The following DIXDC1 variants were observed in gnomAD, a reference collection of about 807,000 sequenced individuals.
DIXDC1 encodes DIX domain containing 1, also known as dixin.
Under a neutral mutation model 103.1 loss-of-function variants are expected in DIXDC1, and 64 were observed. The ratio of observed to expected loss-of-function variants is 0.62; its 90% CI spans 0.51 to 0.76. The LOEUF (loss-of-function observed/expected upper bound fraction) is 0.76. Ranked by LOEUF, DIXDC1 falls within the 30% of genes least tolerant of loss-of-function variation. DIXDC1 has a pLI of 0.00. For missense variants in DIXDC1, 759 were observed against 834.2 expected (o/e 0.91, Z 1.11); for synonymous variants, 266 against 298.5 (o/e 0.89, Z 1.12).
chr11:111,957,919 G>T (rs927210414), intron 1 of DIXDC1, among the ~76,000 whole-genome samples: 1 of 152,264 alleles, frequency 6.6e-6, no homozygotes, highest in Admixed American at 6.5e-5. Flanking sequence ...AGTGGGGCAG[G>T]TGTGGCCGGG....
At chr11:111,941,173 C>T (rs1294636860) in intron 1 of DIXDC1, among the ~76,000 whole-genome samples, 4 of 152,082 alleles carry the variant, frequency 2.6e-5, no homozygotes, top group African/African-American at 7.2e-5. Context: ...CCCAGCTACT[C>T]GGGAGGCTGA....
intron 17 of DIXDC1, among the ~76,000 whole-genome samples, chr11:112,007,765 T>A (rs1426183081): frequency 6.6e-6 from 1 of 152,008 alleles, no homozygotes; most frequent in Non-Finnish European, 1.5e-5. Flanking sequence ...GCTAAGAGAT[T>A]CTGTCACCAC....
intron 5 of DIXDC1, 140 bp downstream of exon 5, chr11:111,975,123 C>T: frequency 6.8e-7 from 1 of 1,465,418 alleles, no homozygotes; most frequent in Non-Finnish European, 9.0e-7. Flanking sequence ...TACCCCTTAG[C>T]AGTGCTTTGT....
chr11:111,962,584 GTAT>G (rs1287530026), intron 1 of DIXDC1, among the ~76,000 whole-genome samples: 1 of 152,164 alleles, frequency 6.6e-6, no homozygotes, highest in Non-Finnish European at 1.5e-5. Context: ...AGCATGGTGG[GTAT>G]TTGGGGAATG....
At chr11:112,001,139 A>G (rs774621607) in intron 17 of DIXDC1, among the ~76,000 whole-genome samples, 149 of 152,248 alleles carry the variant, frequency 9.8e-4, no homozygotes, top group Non-Finnish European at 1.7e-3. Context: ...GCACTGATCC[A>G]TGCTACAACG....
At chr11:111,956,532 C>T (rs1045996305) in intron 1 of DIXDC1, among the ~76,000 whole-genome samples, 2 of 152,080 alleles carry the variant, frequency 1.3e-5, no homozygotes, top group Non-Finnish European at 2.9e-5. Context: ...TCTTGTTGTC[C>T]AGGCTGGAGT....
At chr11:112,003,557 G>C (rs782280941) in intron 17 of DIXDC1, among the ~76,000 whole-genome samples, 1 of 152,144 alleles carries the variant, frequency 6.6e-6, no homozygotes, top group Non-Finnish European at 1.5e-5. Flanking sequence ...CCAGCATGTT[G>C]GGAGGCCAAG....
At chr11:112,014,766 A>G (rs1861535927) in intron 17 of DIXDC1, among the ~76,000 whole-genome samples, 1 of 152,256 alleles carries the variant, frequency 6.6e-6, no homozygotes, top group South Asian at 2.1e-4. Flanking sequence ...AATAAATTAA[A>G]TATATAGCTT....
Position 111,982,347 on chromosome 11 carries a change from G to C in DIXDC1, c.778G>C (p.Asp260His), listed in dbSNP as rs782647751. The stretch of plus-strand genomic sequence containing the variant: ...CTCTTTTCATTTTTTAGAAGGGACA[G>C]ATTCTCCATTATCTCGAGACTGGCG... ...EGIENRTEGTDSPLSRDWRPG... is the reference protein window; with the variant it reads ...EGIENRTEGTHSPLSRDWRPG... Residue 260 changes from aspartate (D) to histidine (H), a missense_variant, in exon 7 of 20, where the codon GAT becomes CAT. Asp to His is a moderately conservative substitution (Grantham distance 81). This residue lies in a region of DIXDC1 where 657 missense variants were observed against 727.5 expected (regional missense o/e 0.90). Transcript: ENST00000440460. The C allele has an allele frequency of 6.2e-7, 1 of 1,613,276 alleles. No homozygotes were observed. Among genetic ancestry groups the C allele is most frequent in the South Asian group, 1.1e-5 (1 of 91,032 alleles).
At chr11:111,961,507 G>A (rs587714765) in intron 1 of DIXDC1, among the ~76,000 whole-genome samples, 1 of 152,294 alleles carries the variant, frequency 6.6e-6, no homozygotes, top group East Asian at 1.9e-4. Context: ...AAAGAACCTA[G>A]CATAGCTCTT....
At chr11:111,954,743 G>A (rs1006570058) in intron 1 of DIXDC1, among the ~76,000 whole-genome samples, 3 of 152,072 alleles carry the variant, frequency 2.0e-5, no homozygotes, top group African/African-American at 7.2e-5. Flanking sequence ...TGTATTCAGG[G>A]ACTGAGCAAA....
chr11:111,995,282 A>G, intron 15 of DIXDC1, 121 bp from the exon 16 acceptor site: 1 of 1,407,550 alleles, frequency 7.1e-7, no homozygotes, highest in African/African-American at 1.4e-5. Flanking sequence ...TAGTGGGCAA[A>G]CCATAGGCCT....
chr11:111,978,618 A>T (rs1342293968), intron 5 of DIXDC1, among the ~76,000 whole-genome samples: 6 of 152,166 alleles, frequency 3.9e-5, no homozygotes, highest in African/African-American at 1.4e-4. Flanking sequence ...CTTAGGAAGG[A>T]GAAGGAGCTG....
At chr11:112,011,642 T>C (rs1262235041) in intron 17 of DIXDC1, among the ~76,000 whole-genome samples, 2 of 152,204 alleles carry the variant, frequency 1.3e-5, no homozygotes. Context: ...GATGAGTTCA[T>C]GTCCTTTGCA....
intron 17 of DIXDC1, among the ~76,000 whole-genome samples, chr11:112,012,627 T>C (rs904761461): frequency 6.6e-6 from 1 of 152,222 alleles, no homozygotes; most frequent in African/African-American, 2.4e-5. Context: ...CAAAATCATG[T>C]ATTAAATTTG....
intron 1 of DIXDC1, among the ~76,000 whole-genome samples, chr11:111,961,347 C>T (rs1203039036): frequency 1.3e-5 from 2 of 152,158 alleles, no homozygotes; most frequent in East Asian, 3.8e-4. Context: ...AGAGCATTGG[C>T]TTGGGAGTCA....
chr11:111,961,691 A>G (rs1236430216), intron 1 of DIXDC1, among the ~76,000 whole-genome samples: 1 of 152,172 alleles, frequency 6.6e-6, no homozygotes, highest in African/African-American at 2.4e-5. Context: ...CTTAAGTAGA[A>G]ATTATCTTGA....
At chr11:111,969,445 A>G (rs1298425487) in intron 3 of DIXDC1, among the ~76,000 whole-genome samples, 1 of 152,148 alleles carries the variant, frequency 6.6e-6, no homozygotes, top group African/African-American at 2.4e-5. Context: ...GAAATATTTT[A>G]TAGCCCTTTT....
chr11:112,012,338 C>G (rs1185568088), intron 17 of DIXDC1, among the ~76,000 whole-genome samples: 3 of 152,114 alleles, frequency 2.0e-5, no homozygotes, highest in Non-Finnish European at 4.4e-5. Context: ...TTAGGGTAAT[C>G]AAGACAGTGT....
Sources: allele counts gnomAD v4.1 joint callset (sites outside exome capture counted in the v4.1 genomes callset), GRCh38; gene constraint gnomAD v4.1.1; regional missense constraint gnomAD v4.1.1; transcripts MANE v1.5; gene names NCBI Gene and HGNC (gene_info 2026-07-23, HGNC 2026-07-21).